Variants in CAMK1 observed in about 807,000 individuals in gnomAD.
CAMK1 encodes calcium/calmodulin-dependent protein kinase type 1.
CAMK1 carries 39 observed loss-of-function variants against 49.1 expected under a neutral mutation model. That is an observed-to-expected ratio of 0.79 (90% CI 0.62 to 1.04). The LOEUF (loss-of-function observed/expected upper bound fraction) is 1.04. Ranked by LOEUF, CAMK1 falls within the 50% of genes least tolerant of loss-of-function variation. CAMK1 has a pLI of 0.00. For missense variants in CAMK1, 457 were observed against 472.2 expected, an observed-to-expected ratio of 0.97 and a Z score of 0.30; for synonymous variants, 192 against 185.2, an observed-to-expected ratio of 1.04 and a Z score of -0.30.
intron 8 of CAMK1, chr3:9,760,155 A>G (rs1032924177): frequency 4.9e-6 from 1 of 202,802 alleles, no homozygotes; most frequent in African/African-American, 2.3e-5. Context: ...GAGGCAGAGA[A>G]TTGCTCGAAC....
Position 9,757,760 on chromosome 3 carries a change from G to T in CAMK1, c.999C>A (p.Ser333Arg). The T allele has an allele frequency of 1.9e-6, 3 of 1,614,142 alleles. No homozygotes were observed. The highest frequency in any genetic ancestry group is 1.7e-6 in the Non-Finnish European group (2 of 1,180,010). ...TSQEGQGQTA[S>R]HGELLTPVAG... The stretch of plus-strand genomic sequence containing the variant: ...CCACTGGTGTCAGCAGCTCCCCATG[G>T]CTCGCCGTCTGCCCCTGCCCCTCCT... The change falls in exon 11 of 12, where the codon AGC (serine) becomes AGA (arginine). Residue 333 changes from serine to arginine, a missense_variant. Physicochemically the swap from Ser to Arg is moderately radical, Grantham distance 110. Coordinates refer to ENST00000256460, the MANE Select transcript of CAMK1 (RefSeq NM_003656.5). This position sits in a 1 kb window ranked among gnomAD's most constrained non-coding sequence, Gnocchi z 4.5.
intron 1 of CAMK1, among the ~76,000 whole-genome samples, chr3:9,768,989 G>A (rs2078232261): frequency 6.6e-6 from 1 of 152,006 alleles, no homozygotes; most frequent in Admixed American, 6.6e-5. Context: ...CCCTGTAGCA[G>A]ACATGCCACA....
intron 2 of CAMK1, among the ~76,000 whole-genome samples, chr3:9,767,261 A>G (rs2078179802): frequency 1.3e-5 from 2 of 151,986 alleles, no homozygotes; most frequent in African/African-American, 4.8e-5. Context: ...CCCTGTTGTC[A>G]TTTTCTGTAG....
intron 3 of CAMK1, among the ~76,000 whole-genome samples, chr3:9,764,347 G>A (rs1293465441): frequency 6.6e-6 from 1 of 152,026 alleles, no homozygotes; most frequent in Non-Finnish European, 1.5e-5. Context: ...TCAGGCTGGA[G>A]TGTTGCCCAG....
In CAMK1 at chr3:9,767,784, G is replaced by A. The variant is rs1338001923; in HGVS notation, c.-32-3C>T. The A allele has an allele frequency of 6.2e-7, 1 of 1,612,688 alleles. No individual in the cohort carries two copies. Among genetic ancestry groups the A allele is most frequent in the Non-Finnish European group, 8.5e-7 (1 of 1,179,580 alleles). ...CCCCCCGACCACAGCCAGGGCTCCT[G>A]TAAGGAGAATGGAAGGAGGAGACTC... is the stretch of plus-strand genomic sequence containing the variant. On this transcript the variant is annotated splice_region_variant and splice_polypyrimidine_tract_variant and intron_variant, in intron 1 of 11. Coordinates refer to ENST00000256460, the MANE Select transcript of CAMK1 (RefSeq NM_003656.5).
rs765645330 is a variant in CAMK1, at chr3:9,765,886, C to G, written c.88G>C (p.Ala30Pro). 6.2e-7 allele frequency: 1 copy of G among 1,614,086 alleles called. No individual in the cohort carries two copies. The highest frequency in any genetic ancestry group is 1.7e-5 in the Admixed American group (1 of 60,024). The change falls in exon 3 of 12, where the codon GCC becomes CCC. Residue 30 changes from alanine to proline, a missense_variant. Physicochemically the swap from Ala to Pro is conservative, Grantham distance 27. Transcript: ENST00000256460. ...YDFRDVLGTG[A>P]FSEVILAEDK... Reference sequence around the variant, plus strand: ...TCTGCCAGGATCACCTCCGAGAAGGCCCCCCTATCGGGAGAGGGGATTCAC... The same window carrying G: ...TCTGCCAGGATCACCTCCGAGAAGGGCCCCCTATCGGGAGAGGGGATTCAC...
intron 2 of CAMK1, chr3:9,766,700 G>A: frequency 1.1e-6 from 1 of 926,638 alleles, no homozygotes; most frequent in Non-Finnish European, 1.3e-6. Flanking sequence ...ACATCTGTTT[G>A]CTTTCTCTGG....
Position 9,757,856 on chromosome 3 carries a change from A to C in CAMK1, c.913-10T>G. On this transcript the variant is annotated splice_polypyrimidine_tract_variant and intron_variant, in intron 10 of 11. Transcript: ENST00000256460. This position sits in a 1 kb window ranked among gnomAD's most constrained non-coding sequence, Gnocchi z 4.5. ...TGGCATTGAAGGCTTGCTGGCATTG[A>C]AGGCATTGAAGGGAGAGGGGAGAAA... 1 of 1,597,038 alleles carries C rather than the reference A, an allele frequency of 6.3e-7. No individual in the cohort carries two copies. The highest frequency in any genetic ancestry group is 1.1e-5 in the South Asian group (1 of 90,178).
intron 8 of CAMK1, 71 bp downstream of exon 8, chr3:9,760,585 G>T: frequency 6.6e-7 from 1 of 1,514,106 alleles, no homozygotes; most frequent in Non-Finnish European, 9.2e-7. Flanking sequence ...GCAGGAGGGA[G>T]ACCGCCCCCA....
At position 9,761,647 on chromosome 3, in the gene CAMK1, T is replaced by C; in HGVS notation, c.540A>G (p.Gly180=). Reference sequence around the variant, plus strand: ...CCTCCGCACCCACGTATCCCGGAGTTCCACAGGCGGTGGAGAGCACACTGC... The same window carrying C: ...CCTCCGCACCCACGTATCCCGGAGTCCCACAGGCGGTGGAGAGCACACTGC... ...DPGSVLSTAC[G]TPGYVAPEVL... Residue 180 remains glycine (G), a synonymous_variant, in exon 6 of 12, where the codon GGA becomes GGG. Coordinates refer to ENST00000256460, the MANE Select transcript of CAMK1 (RefSeq NM_003656.5). 6.2e-7 allele frequency: 1 copy of C among 1,614,082 alleles called. No individual in the cohort carries two copies. The highest frequency in any genetic ancestry group is 8.5e-7 in the Non-Finnish European group (1 of 1,180,002).
At chr3:9,759,250 C>T in intron 10 of CAMK1, 1 of 1,614,152 alleles carries the variant, frequency 6.2e-7, no homozygotes, top group Non-Finnish European at 8.5e-7. Flanking sequence ...TCAGATGCCT[C>T]CTGAAGAATT....
At chr3:9,759,161 C>T (rs2077727359) in intron 10 of CAMK1, 1 of 1,552,616 alleles carries the variant, frequency 6.4e-7, no homozygotes, top group Admixed American at 1.7e-5. Context: ...TCCGCTATGC[C>T]TCACTAATTC....
chr3:9,763,110 G>C (rs746451289), intron 4 of CAMK1, 29 bp downstream of exon 4: 3 of 1,614,136 alleles, frequency 1.9e-6, no homozygotes, highest in Non-Finnish European at 2.5e-6. Flanking sequence ...GGAGAGGTGT[G>C]GGGGCAGGGC....
intron 10 of CAMK1, 58 bp downstream of exon 10, chr3:9,759,430 G>A: frequency 1.2e-6 from 2 of 1,610,778 alleles, no homozygotes; most frequent in Non-Finnish European, 1.7e-6. Context: ...CTGAGCCTGG[G>A]TAGGGATGGG....
At chr3:9,764,772 A>G (rs2078073148) in intron 3 of CAMK1, among the ~76,000 whole-genome samples, 1 of 151,368 alleles carries the variant, frequency 6.6e-6, no homozygotes, top group African/African-American at 2.4e-5. Context: ...AGCTGGGATT[A>G]CAGGCATGTG....
intron 10 of CAMK1, chr3:9,758,859 A>T (rs1419719988): frequency 5.8e-6 from 2 of 345,228 alleles, no homozygotes; most frequent in East Asian, 7.5e-5. Context: ...TGAACTCCTG[A>T]CCTCAGGTGA....
rs1297302721 is a variant in CAMK1 at position 9,765,760 on chromosome 3, T to G, written c.214A>C (p.Lys72Gln). 4.3e-6 allele frequency: 7 copies of G among 1,613,914 alleles called. No homozygotes were observed. The highest frequency in any genetic ancestry group is 1.3e-5 in the African/African-American group (1 of 75,056). Reference sequence around the variant, plus strand: ...AGGGAAAGGCTGTGGCCCACGCACTTGTGCAGGACAGCAATCTCATTCTCC... The same window carrying G: ...AGGGAAAGGCTGTGGCCCACGCACTGGTGCAGGACAGCAATCTCATTCTCC... ...SMENEIAVLHKIKHPNIVALD... is the reference protein window; with the variant it reads ...SMENEIAVLHQIKHPNIVALD... Residue 72 changes from lysine (K) to glutamine (Q), a missense_variant and splice_region_variant, in exon 3 of 12, where the codon AAG becomes CAG. Physicochemically the swap from Lys to Gln is moderately conservative, Grantham distance 53. Transcript: ENST00000256460.
At chr3:9,763,337 C>A in intron 3 of CAMK1, 124 bp from the exon 4 acceptor site, 1 of 1,148,400 alleles carries the variant, frequency 8.7e-7, no homozygotes, top group Non-Finnish European at 1.2e-6. Flanking sequence ...AAGCTGCAGT[C>A]TGTTATGATT....
chr3:9,766,557 A>G (rs2078159538), intron 2 of CAMK1: 6 of 708,658 alleles, frequency 8.5e-6, no homozygotes, highest in Non-Finnish European at 1.2e-5. Flanking sequence ...CAGTTTAACA[A>G]AATCCTCAGG....
Sources: allele counts gnomAD v4.1 joint callset (sites outside exome capture counted in the v4.1 genomes callset), GRCh38; gene constraint gnomAD v4.1.1; non-coding constraint Gnocchi (gnomAD v3.1); transcripts MANE v1.5; gene names NCBI Gene and HGNC (gene_info 2026-07-23, HGNC 2026-07-21).